Variants in ANKRD36B observed in about 807,000 individuals in gnomAD.
The protein encoded by ANKRD36B is ankyrin repeat domain-containing protein 36B.
ANKRD36B carries 37 observed loss-of-function variants against 135.7 expected under a neutral mutation model. The ratio of observed to expected loss-of-function variants is 0.27; its 90% CI spans 0.21 to 0.36. The LOEUF (loss-of-function observed/expected upper bound fraction) is 0.36. Among genes scored for constraint, ANKRD36B ranks in the 10% least tolerant of loss-of-function variants. The pLI, the probability that ANKRD36B is intolerant of heterozygous loss-of-function variation, is 1.00. For missense variants in ANKRD36B, 549 were observed against 1,037.1 expected (o/e 0.53, Z 6.46); for synonymous variants, 179 against 348.1 (o/e 0.51, Z 5.41).
intron 6 of ANKRD36B, among the ~76,000 whole-genome samples, chr2:97,564,271 T>C (rs1202044605): frequency 6.6e-6 from 1 of 152,146 alleles, no homozygotes; most frequent in Non-Finnish European, 1.5e-5. Flanking sequence ...TTAAAGGCTA[T>C]GTCTACCAAA....
intron 3 of ANKRD36B, among the ~76,000 whole-genome samples, chr2:97,582,716 G>C (rs1341901658): frequency 6.6e-6 from 1 of 152,004 alleles, no homozygotes; most frequent in Admixed American, 6.5e-5. Context: ...CCAAGCGATT[G>C]TATGTAAAGC....
chr2:97,577,839 G>GA (rs2082324988), intron 5 of ANKRD36B, among the ~76,000 whole-genome samples: 2 of 151,862 alleles, frequency 1.3e-5, no homozygotes, highest in Non-Finnish European at 1.5e-5. Context: ...ACCACAAGTT[G>GA]ATGCCTACTA....
At chr2:97,557,230 T>C in intron 10 of ANKRD36B, 98 bp from the exon 11 acceptor site, 2 of 1,480,154 alleles carry the variant, frequency 1.4e-6, no homozygotes, top group Non-Finnish European at 1.8e-6. Flanking sequence ...TCCTCCCGCC[T>C]GCACTAGTGT....
intron 6 of ANKRD36B, among the ~76,000 whole-genome samples, chr2:97,563,993 A>ATG (rs199731489): frequency 1.3e-5 from 2 of 150,820 alleles, no homozygotes; most frequent in African/African-American, 4.9e-5. Flanking sequence ...GATAGATCTG[A>ATG]AATATATATC....
At chr2:97,580,341 A>C in intron 4 of ANKRD36B, 121 bp downstream of exon 4, 1 of 837,124 alleles carries the variant, frequency 1.2e-6, no homozygotes, top group Non-Finnish European at 1.8e-6. Flanking sequence ...ATTTCTCACT[A>C]TATCCCAGTA....
At position 97,532,427 on chromosome 2, in the gene ANKRD36B, A is replaced by G; in HGVS notation, c.2192-43T>C. On this transcript the variant is annotated intron_variant, in intron 34 of 43. Coordinates refer to ENST00000359901, the MANE Select transcript of ANKRD36B (RefSeq NM_001393939.1). Reference sequence around the variant, plus strand: ...TTAGTTAAAATGAGCTACACAGAACAGTTAGATAAAAGCCATGGTCAGCGG... The same window carrying G: ...TTAGTTAAAATGAGCTACACAGAACGGTTAGATAAAAGCCATGGTCAGCGG... 2 of 491,214 alleles carry G rather than the reference A, an allele frequency of 4.1e-6. 1 individual carries two copies. Among genetic ancestry groups the G allele is most frequent in the Admixed American group, 6.5e-5 (2 of 30,780 alleles). The allele number at this position is 491,214 out of a possible 1,614,324, so 30.4% of individuals were successfully genotyped here.
intron 37 of ANKRD36B, among the ~76,000 whole-genome samples, chr2:97,514,038 C>T (rs1453908325): frequency 1.0e-3 from 137 of 131,066 alleles, no homozygotes; most frequent in Non-Finnish European, 1.7e-3. Flanking sequence ...CCGACCACTT[C>T]GGGCACATGT....
rs1484129229 is a variant in ANKRD36B at position 97,560,695 on chromosome 2, C to A, written c.835G>T (p.Glu279Ter). ...CCAGATATAGGTCCCTCCTTTATTT[C>A]TGTGGCTATATTTGAAACAGAATCT... ...DKDSVSNIAT[E>*]IKEGPISGTV... Residue 279 changes from glutamate (E) to a stop codon, truncating the protein, a stop_gained, in exon 8 of 44, where the codon GAA becomes TAA. Coordinates refer to ENST00000359901, the MANE Select transcript of ANKRD36B (RefSeq NM_001393939.1). LOFTEE classifies it high-confidence loss of function. 1 of 1,603,354 alleles carries A rather than the reference C, an allele frequency of 6.2e-7. No individual in the cohort carries two copies. Among genetic ancestry groups the A allele is most frequent in the Non-Finnish European group, 8.5e-7 (1 of 1,178,374 alleles).
chr2:97,523,898 C>G lies in ANKRD36B; in HGVS notation c.2266-431G>C, dbSNP rs1193297882. On this transcript the variant is annotated intron_variant, in intron 35 of 43. Transcript: ENST00000359901. ...AACCAGAGTAGCAGCAAGTGACCCT[C>G]TAAGTCTTTTGGAAGTTGAACTTTC... 2 of 64,798 alleles carry G rather than the reference C, an allele frequency of 3.1e-5. 1 individual carries two copies. The highest frequency in any genetic ancestry group is 8.4e-5 in the Non-Finnish European group (2 of 23,790). 4.0% of individuals were successfully genotyped at this position (64,798 alleles called of 1,614,324 possible). A position where few individuals can be genotyped will look rare whatever the true frequency, so the allele number is the denominator to read the frequency against.
At chr2:97,540,536 T>G (rs2079101591) in intron 28 of ANKRD36B, among the ~76,000 whole-genome samples, 1 of 96,332 alleles carries the variant, frequency 1.0e-5, no homozygotes, top group African/African-American at 3.1e-5. Context: ...TGATCTAAAA[T>G]CAGAGGATCA....
chr2:97,560,058 T>C (rs2080882275), intron 8 of ANKRD36B, among the ~76,000 whole-genome samples: 1 of 151,924 alleles, frequency 6.6e-6, no homozygotes, highest in Admixed American at 6.6e-5. Context: ...CTGCTTCCAG[T>C]AGTTCTCAGA....
intron 12 of ANKRD36B, among the ~76,000 whole-genome samples, chr2:97,556,301 C>T (rs2080514941): frequency 6.6e-6 from 1 of 151,700 alleles, no homozygotes; most frequent in African/African-American, 2.4e-5. Flanking sequence ...GTGGTTTATC[C>T]CAACTCTAGC....
At chr2:97,555,936 T>A (rs939109335) in intron 12 of ANKRD36B, among the ~76,000 whole-genome samples, 3 of 151,862 alleles carry the variant, frequency 2.0e-5, no homozygotes, top group African/African-American at 4.8e-5. Context: ...AAACCTCATC[T>A]AAAAGTACAA....
chr2:97,579,185 A>G, intron 4 of ANKRD36B, 142 bp from the exon 5 acceptor site: 1 of 1,185,024 alleles, frequency 8.4e-7, no homozygotes, highest in East Asian at 2.6e-5. Flanking sequence ...TGGGTGCTCA[A>G]GGGTTTATCT....
chr2:97,516,238 T>A (rs1576795148), intron 36 of ANKRD36B, among the ~76,000 whole-genome samples: 1 of 41,138 alleles, frequency 2.4e-5, no homozygotes, highest in African/African-American at 6.8e-5. Flanking sequence ...TTGCATAAGA[T>A]AATTTGATCT....
At chr2:97,551,626 A>AACATGACAG in intron 16 of ANKRD36B, 146 bp from the exon 17 acceptor site, 1 of 1,366,554 alleles carries the variant, frequency 7.3e-7, no homozygotes, top group South Asian at 1.2e-5. Context: ...TGGGGATTAG[A>AACATGACAG]ACATGACAGA....
chr2:97,547,137 G>C (rs1188035892), intron 22 of ANKRD36B: 1 of 193,744 alleles, frequency 5.2e-6, no homozygotes, highest in South Asian at 9.9e-5. Context: ...CTCCTACAGT[G>C]TCTACGGGTT....
intron 12 of ANKRD36B, among the ~76,000 whole-genome samples, chr2:97,556,564 C>T (rs529012736): frequency 6.6e-6 from 1 of 151,976 alleles, no homozygotes; most frequent in East Asian, 1.9e-4. Context: ...AACTTCCTCC[C>T]TCTGGTTTTA....
chr2:97,496,825 A>G (rs57458515), intron 43 of ANKRD36B, among the ~76,000 whole-genome samples: 6 of 68,954 alleles, frequency 8.7e-5, no homozygotes, highest in East Asian at 2.5e-4. Flanking sequence ...GTATGTATAT[A>G]TGTGTGTGTA....
Sources: allele counts gnomAD v4.1 joint callset (sites outside exome capture counted in the v4.1 genomes callset), GRCh38; gene constraint gnomAD v4.1.1; transcripts MANE v1.5; gene names NCBI Gene and HGNC (gene_info 2026-07-23, HGNC 2026-07-21).